AFF3: variants seen among roughly 807,000 people sequenced by gnomAD.
AFF3 encodes AF4/FMR2 family member 3.
A neutral mutation model predicts 129.7 loss-of-function variants in AFF3; 32 were observed. That is an observed-to-expected ratio of 0.25 (90% CI 0.19 to 0.33). The LOEUF is 0.33. Among genes scored for constraint, AFF3 ranks in the 10% least tolerant of loss-of-function variants. The pLI is 1.00. For synonymous variants in AFF3, 644 were observed against 635.4 expected, an observed-to-expected ratio of 1.01 and a Z score of -0.20; for missense variants, 1,373 against 1,592.0, an observed-to-expected ratio of 0.86 and a Z score of 2.34.
At chr2:99,692,163 C>G (rs941858355) in intron 11 of AFF3, among the ~76,000 whole-genome samples, 1 of 152,196 alleles carries the variant, frequency 6.6e-6, no homozygotes, top group African/African-American at 2.4e-5. Context: ...GGCCCACACC[C>G]TTCCTCTGTG....
chr2:99,994,332 T>C (rs932129551), intron 7 of AFF3, among the ~76,000 whole-genome samples: 1 of 152,100 alleles, frequency 6.6e-6, no homozygotes, highest in African/African-American at 2.4e-5. Context: ...AGGCTCCAAA[T>C]TCGATGAAAC....
chr2:99,779,874 G>A (rs1684249452), intron 8 of AFF3, among the ~76,000 whole-genome samples: 1 of 152,214 alleles, frequency 6.6e-6, no homozygotes, highest in Non-Finnish European at 1.5e-5. Context: ...AAATGGCAGA[G>A]CCACGACCTG....
intron 11 of AFF3, among the ~76,000 whole-genome samples, chr2:99,710,890 G>A (rs1401672553): frequency 6.6e-6 from 1 of 152,212 alleles, no homozygotes; most frequent in Non-Finnish European, 1.5e-5. Flanking sequence ...AAGGCCCTCT[G>A]AGGTGAGCAG....
In AFF3 at chr2:99,582,833, CGGCCTTAGGCTTTTTGCT is replaced by C; in HGVS notation, c.2740_2757del (p.Ser914_Ala919del). 1 of 1,614,164 alleles carries C rather than the reference CGGCCTTAGGCTTTTTGCT, an allele frequency of 6.2e-7. No individual in the cohort carries two copies. Among genetic ancestry groups the C allele is most frequent in the African/African-American group, 1.3e-5 (1 of 75,040 alleles). ...CCGCCGTGAGGCTGCAGCTGGCTGT[CGGCCTTAGGCTTTTTGCT>C]GGAAGAGGCTGAAGTAAACAAACTG... On this transcript the variant is annotated inframe_deletion, in exon 17 of 25. Transcript: ENST00000672756.
chr2:100,052,388 C>T (rs1193440427), intron 4 of AFF3, among the ~76,000 whole-genome samples: 1 of 152,144 alleles, frequency 6.6e-6, no homozygotes, highest in African/African-American at 2.4e-5. Context: ...CCATCCCTTC[C>T]ACAACATGGA....
intron 8 of AFF3, among the ~76,000 whole-genome samples, chr2:99,811,260 T>C (rs527930127): frequency 1.3e-5 from 2 of 152,326 alleles, no homozygotes; most frequent in South Asian, 2.1e-4. Flanking sequence ...AGGTGATAAG[T>C]ATGTAAAATA....
chr2:100,063,286 T>C (rs568037232), intron 4 of AFF3, among the ~76,000 whole-genome samples: 1 of 151,076 alleles, frequency 6.6e-6, no homozygotes, highest in East Asian at 1.9e-4. Context: ...ACCAGGCAGT[T>C]TCAGCTTTGC....
intron 8 of AFF3, among the ~76,000 whole-genome samples, chr2:99,799,238 G>A (rs1313177158): frequency 6.6e-6 from 1 of 151,720 alleles, no homozygotes; most frequent in Non-Finnish European, 1.5e-5. Context: ...TCTAATGGTA[G>A]AACAGAGATT....
chr2:99,794,477 T>C (rs142185025), intron 8 of AFF3, among the ~76,000 whole-genome samples: 13 of 152,198 alleles, frequency 8.5e-5, no homozygotes, highest in African/African-American at 2.7e-4. Flanking sequence ...AGAATTTAAA[T>C]GTATCTTTGC....
chr2:100,084,689 AATTTCTTAGAAAAAGAAAATG>A lies in AFF3; in HGVS notation c.53+19692_53+19712del, dbSNP rs1294205315. Among the ~76,000 whole-genome samples the A allele has an allele frequency of 2.0e-5, 3 of 152,272 alleles. No homozygotes were observed. The East Asian group carries it at 5.8e-4, about 29-fold the overall frequency. On this transcript the variant is annotated intron_variant, in intron 4 of 24. Coordinates refer to ENST00000672756, the MANE Select transcript of AFF3 (RefSeq NM_001386135.1). Reference sequence around the variant, plus strand: ...AAAAATAAGTTAAATCATAGAGTTAAATTTCTTAGAAAAAGAAAATGAACACAACCATAAAATATGCATAGG... The same window carrying A: ...AAAAATAAGTTAAATCATAGAGTTAAAACACAACCATAAAATATGCATAGG...
At chr2:99,569,048 G>T in intron 18 of AFF3, 133 bp from the exon 19 acceptor site, 1 of 832,630 alleles carries the variant, frequency 1.2e-6, no homozygotes, top group Non-Finnish European at 1.9e-6. Flanking sequence ...TGTGTTTTTT[G>T]CCTTTCCAAA....
chr2:100,011,709 C>T (rs927977139), intron 4 of AFF3: 31 of 668,178 alleles, frequency 4.6e-5, no homozygotes, highest in East Asian at 3.9e-4. Flanking sequence ...AGGGTCAGAA[C>T]GGGAGGCAAG....
chr2:99,752,106 G>A (rs1681706220), intron 9 of AFF3, 115 bp downstream of exon 9: 5 of 902,824 alleles, frequency 5.5e-6, no homozygotes, highest in Non-Finnish European at 6.9e-6. Context: ...TCAGATTCAC[G>A]TGCCTCTGGC....
At chr2:99,760,486 A>T (rs1238386246) in intron 8 of AFF3, among the ~76,000 whole-genome samples, 3 of 152,206 alleles carry the variant, frequency 2.0e-5, no homozygotes, top group African/African-American at 7.2e-5. Flanking sequence ...ATATAAGCAA[A>T]GGTAAAATTT....
intron 9 of AFF3, among the ~76,000 whole-genome samples, chr2:99,744,871 C>G (rs1017420452): frequency 2.0e-5 from 3 of 152,104 alleles, no homozygotes; most frequent in African/African-American, 7.2e-5. Context: ...TAGTTCGAGT[C>G]CATGTTTTCA....
intron 13 of AFF3, among the ~76,000 whole-genome samples, chr2:99,606,915 C>CAAAAAAAAAA (rs10680840): frequency 1.6e-5 from 1 of 62,186 alleles, no homozygotes; most frequent in African/African-American, 6.7e-5. Context: ...CTCCGTCTCA[C>CAAAAAAAAAA]AAAAAAAAAA....
chr2:99,850,335 A>G (rs1690053081), intron 7 of AFF3, among the ~76,000 whole-genome samples: 1 of 152,254 alleles, frequency 6.6e-6, no homozygotes, highest in Admixed American at 6.5e-5. Context: ...TGGCAAGACC[A>G]AGGAAGGGTC....
At chr2:99,571,699 A>G (rs995168018) in intron 18 of AFF3, among the ~76,000 whole-genome samples, 8 of 152,202 alleles carry the variant, frequency 5.3e-5, no homozygotes, top group Non-Finnish European at 1.2e-4. Context: ...GCTCACTATA[A>G]TGAGTCACTG....
chr2:99,820,765 TC>T (rs1687601809), intron 8 of AFF3, among the ~76,000 whole-genome samples: 29 of 143,328 alleles, frequency 2.0e-4, no homozygotes, highest in Middle Eastern at 3.6e-3. Context: ...TAAATTTTTT[TC>T]TTACTTTTAA....
Sources: gnomAD v4.1 joint callset for allele counts (sites outside exome capture counted in the v4.1 genomes callset) on GRCh38, gnomAD v4.1.1 for gene constraint, MANE v1.5 for transcripts, NCBI Gene and HGNC (gene_info 2026-07-23, HGNC 2026-07-21) for gene names.